PRKCA: variants seen among roughly 807,000 people sequenced by gnomAD.
The protein encoded by PRKCA is protein kinase C alpha.
In PRKCA, 27 loss-of-function variants were observed where a neutral mutation model predicts 87.0. The observed-to-expected ratio is 0.31, with a 90% CI of 0.23 to 0.43. The LOEUF is 0.43. Among genes scored for constraint, PRKCA ranks in the 20% least tolerant of loss-of-function variants. The pLI, the probability that PRKCA is intolerant of heterozygous loss-of-function variation, is 1.00. For missense variants in PRKCA, 518 were observed against 852.3 expected, an observed-to-expected ratio of 0.61 and a Z score of 4.88; for synonymous variants, 329 against 311.1, an observed-to-expected ratio of 1.06 and a Z score of -0.61.
At chr17:66,441,564 G>A (rs980720616) in intron 2 of PRKCA, among the ~76,000 whole-genome samples, 11 of 151,994 alleles carry the variant, frequency 7.2e-5, no homozygotes, top group Admixed American at 2.0e-4. Flanking sequence ...TACGACTCTC[G>A]TCTCAGAGCT....
intron 8 of PRKCA, among the ~76,000 whole-genome samples, chr17:66,726,999 C>T (rs773924003): frequency 6.6e-6 from 1 of 152,256 alleles, no homozygotes; most frequent in East Asian, 1.9e-4. Context: ...GCTGGGATTA[C>T]AGGCTTGAGC....
Position 66,332,109 on chromosome 17 carries a change from T to A in PRKCA, c.205+25982T>A, listed in dbSNP as rs376832301. On this transcript the variant is annotated intron_variant, in intron 2 of 16. Coordinates refer to ENST00000413366, the MANE Select transcript of PRKCA (RefSeq NM_002737.3). ...AACTTTTACCCCATTCATAATAGGATGTATAAAAGTAATACCTCTTGGAAT... is the reference window on the plus strand; with the variant it reads ...AACTTTTACCCCATTCATAATAGGAAGTATAAAAGTAATACCTCTTGGAAT... Among the ~76,000 whole-genome samples, 10 of 152,220 alleles carry A rather than the reference T, an allele frequency of 6.6e-5. No individual in the cohort carries two copies. The East Asian group carries it at 1.2e-3, about 18-fold the overall frequency.
At chr17:66,330,397 G>C (rs141214651) in intron 2 of PRKCA, among the ~76,000 whole-genome samples, 1 of 152,112 alleles carries the variant, frequency 6.6e-6, no homozygotes, top group Non-Finnish European at 1.5e-5. Context: ...GTGAGCCATC[G>C]CACCTGGCCC....
chr17:66,617,406 C>T (rs1314024740), intron 3 of PRKCA, among the ~76,000 whole-genome samples: 2 of 152,128 alleles, frequency 1.3e-5, no homozygotes, highest in Admixed American at 1.3e-4. Context: ...CACATACCAG[C>T]TTCGTGGATA....
chr17:66,608,767 TC>T (rs1411825951), intron 3 of PRKCA, among the ~76,000 whole-genome samples: 1 of 152,152 alleles, frequency 6.6e-6, no homozygotes, highest in African/African-American at 2.4e-5. Context: ...AGAGCTATTC[TC>T]CCTGAAAAGA....
At chr17:66,463,091 T>C (rs1914929572) in intron 2 of PRKCA, among the ~76,000 whole-genome samples, 1 of 152,164 alleles carries the variant, frequency 6.6e-6, no homozygotes, top group Admixed American at 6.5e-5. Context: ...TTTACTCTCC[T>C]GTGGCAGCCT....
intron 2 of PRKCA, among the ~76,000 whole-genome samples, chr17:66,379,950 A>G (rs80201973): frequency 1.3e-5 from 2 of 152,142 alleles, no homozygotes. Context: ...TAAAAAAAAA[A>G]TAGCCTTGAT....
intron 2 of PRKCA, among the ~76,000 whole-genome samples, chr17:66,463,907 A>C (rs1441938170): frequency 6.6e-6 from 1 of 152,162 alleles, no homozygotes; most frequent in Admixed American, 6.5e-5. Flanking sequence ...CAGTTTATGG[A>C]AGAGTTCATT....
intron 10 of PRKCA, among the ~76,000 whole-genome samples, chr17:66,738,546 G>C (rs1974090479): frequency 6.6e-6 from 1 of 152,224 alleles, no homozygotes; most frequent in Admixed American, 6.5e-5. Flanking sequence ...ATTATTTCAG[G>C]GTTATGTAAT....
chr17:66,667,923 TAAG>T (rs1054197888), intron 5 of PRKCA, among the ~76,000 whole-genome samples: 13 of 152,314 alleles, frequency 8.5e-5, no homozygotes, highest in African/African-American at 2.2e-4. Context: ...TCTGAAATGT[TAAG>T]AAGATTCAGG....
At chr17:66,621,663 T>C (rs905483414) in intron 3 of PRKCA, among the ~76,000 whole-genome samples, 1 of 152,124 alleles carries the variant, frequency 6.6e-6, no homozygotes, top group African/African-American at 2.4e-5. Context: ...TCAGGACAGA[T>C]CCCTGTTACT....
At chr17:66,772,165 C>T (rs556430329) in intron 13 of PRKCA, among the ~76,000 whole-genome samples, 18 of 152,120 alleles carry the variant, frequency 1.2e-4, no homozygotes, top group Admixed American at 3.9e-4. Flanking sequence ...ATGTATCATC[C>T]CCGGGTAATA....
chr17:66,413,554 A>G (rs371110943), intron 2 of PRKCA, among the ~76,000 whole-genome samples: 1 of 152,172 alleles, frequency 6.6e-6, no homozygotes, highest in South Asian at 2.1e-4. Context: ...CCACCTACGC[A>G]TCAGGAGACT....
chr17:66,616,508 C>T (rs988932339), intron 3 of PRKCA, among the ~76,000 whole-genome samples: 1 of 152,132 alleles, frequency 6.6e-6, no homozygotes, highest in African/African-American at 2.4e-5. Flanking sequence ...ATCTGCTGTG[C>T]CCAGGCACCG....
intron 2 of PRKCA, among the ~76,000 whole-genome samples, chr17:66,437,452 T>C (rs908577639): frequency 3.3e-5 from 5 of 152,232 alleles, no homozygotes; most frequent in African/African-American, 1.2e-4. Flanking sequence ...GGGAAAGAAG[T>C]AACTCAGGGA....
At chr17:66,674,592 A>G (rs1218638424) in intron 5 of PRKCA, among the ~76,000 whole-genome samples, 4 of 152,212 alleles carry the variant, frequency 2.6e-5, no homozygotes, top group African/African-American at 9.6e-5. Context: ...AATGTGGGCC[A>G]GAAGACGGAG....
intron 8 of PRKCA, among the ~76,000 whole-genome samples, chr17:66,710,531 G>A (rs1462985501): frequency 6.6e-5 from 10 of 152,002 alleles, no homozygotes; most frequent in East Asian, 3.9e-4. Flanking sequence ...CTTGGTTTTT[G>A]TGGCTCCCGG....
chr17:66,380,713 T>A (rs1909729858), intron 2 of PRKCA, among the ~76,000 whole-genome samples: 1 of 152,196 alleles, frequency 6.6e-6, no homozygotes, highest in Non-Finnish European at 1.5e-5. Flanking sequence ...ATATTTTTCA[T>A]CTAATTGTAA....
At chr17:66,710,863 C>T (rs1487922071) in intron 8 of PRKCA, among the ~76,000 whole-genome samples, 9 of 150,234 alleles carry the variant, frequency 6.0e-5, no homozygotes, top group African/African-American at 2.2e-4. Flanking sequence ...AACCCCGTCT[C>T]TACCAAAAAA....
Sources: allele counts gnomAD v4.1 joint callset (sites outside exome capture counted in the v4.1 genomes callset), GRCh38; gene constraint gnomAD v4.1.1; transcripts MANE v1.5; gene names NCBI Gene and HGNC (gene_info 2026-07-23, HGNC 2026-07-21).